HRH1: variants seen among roughly 807,000 people sequenced by gnomAD.
HRH1 encodes the protein histamine H1 receptor.
A neutral mutation model predicts 10.3 loss-of-function variants in HRH1; 6 were observed. The ratio of observed to expected loss-of-function variants is 0.58; its 90% CI spans 0.32 to 1.15. HRH1 has a LOEUF of 1.15. Among genes scored for constraint, HRH1 ranks in the 50% most tolerant of loss-of-function variants. The pLI is 0.05. For missense variants in HRH1, 514 were observed against 615.3 expected (o/e 0.84, Z 1.74); for synonymous variants, 242 against 236.7 (o/e 1.02, Z -0.21).
chr3:11,176,255 T>C (rs766565010), intron 1 of HRH1, among the ~76,000 whole-genome samples: 2 of 152,002 alleles, frequency 1.3e-5, no homozygotes, highest in Non-Finnish European at 2.9e-5. Context: ...TGACGAACTC[T>C]GGTCTCAGAT....
At chr3:11,224,213 C>A (rs1938805538) in intron 1 of HRH1, among the ~76,000 whole-genome samples, 1 of 152,198 alleles carries the variant, frequency 6.6e-6, no homozygotes, top group South Asian at 2.1e-4. Flanking sequence ...GGCCTCTGCT[C>A]CCATGGATCT....
chr3:11,184,761 C>G (rs1027836527), intron 1 of HRH1, among the ~76,000 whole-genome samples: 2 of 151,844 alleles, frequency 1.3e-5, no homozygotes, highest in African/African-American at 4.8e-5. Context: ...ACTAAAAATA[C>G]TAAAACTTAG....
At chr3:11,242,870 A>G (rs1939385629) in intron 1 of HRH1, among the ~76,000 whole-genome samples, 2 of 152,082 alleles carry the variant, frequency 1.3e-5, no homozygotes, top group Non-Finnish European at 2.9e-5. Flanking sequence ...TGCACTTAGT[A>G]CATCTCCCCT....
intron 1 of HRH1, among the ~76,000 whole-genome samples, chr3:11,138,311 C>T (rs576259634): frequency 8.4e-4 from 128 of 151,806 alleles, no homozygotes; most frequent in African/African-American, 2.7e-3. Flanking sequence ...CGTGAGCCAC[C>T]GCGCCCAGCC....
chr3:11,143,045 G>T (rs1936325120), intron 1 of HRH1, among the ~76,000 whole-genome samples: 1 of 152,212 alleles, frequency 6.6e-6, no homozygotes, highest in African/African-American at 2.4e-5. Context: ...TTGCAGGGCT[G>T]CAAAGAGCTG....
chr3:11,225,687 TTTAC>T (rs1255255525), intron 1 of HRH1, among the ~76,000 whole-genome samples: 1 of 152,264 alleles, frequency 6.6e-6, no homozygotes, highest in African/African-American at 2.4e-5. Flanking sequence ...TATTTATTTA[TTTAC>T]TTACTTACTT....
chr3:11,147,865 C>T (rs1035089623), intron 1 of HRH1, among the ~76,000 whole-genome samples: 7 of 152,078 alleles, frequency 4.6e-5, no homozygotes, highest in African/African-American at 1.7e-4. Flanking sequence ...TTTCCACGCT[C>T]CCTGCCTGGT....
At chr3:11,150,777 C>T (rs1036623198), upstream of HRH1, among the ~76,000 whole-genome samples, 22 of 152,212 alleles carry the variant, frequency 1.4e-4, no homozygotes, top group African/African-American at 5.3e-4. Context: ...TCGATTTCCC[C>T]ATGTGAACAA....
At chr3:11,176,725 CTAA>C (rs1937255234) in intron 1 of HRH1, among the ~76,000 whole-genome samples, 1 of 152,224 alleles carries the variant, frequency 6.6e-6, no homozygotes, top group Non-Finnish European at 1.5e-5. Flanking sequence ...AGTCATGCTG[CTAA>C]TAATAAAATA....
intron 1 of HRH1, among the ~76,000 whole-genome samples, chr3:11,183,884 C>G (rs1034692674): frequency 1.1e-4 from 12 of 110,550 alleles, no homozygotes; most frequent in African/African-American, 4.4e-4. Flanking sequence ...TTTTTTAAAG[C>G]ACTGGCCATC....
Position 11,262,943 on chromosome 3 carries a change from T to A in HRH1, c.*2442T>A, listed in dbSNP as rs1939994862. On this transcript the variant is annotated 3_prime_UTR_variant, in exon 2 of 2. Transcript: ENST00000431010. The stretch of plus-strand genomic sequence containing the variant: ...GTGCCAGGCTTTGTGTTTTATCTAA[T>A]GTTATCTAATGGTATTGGTGCCATT... The A allele has an allele frequency of 6.0e-6, 1 of 167,108 alleles. No homozygotes were observed. The highest frequency in any genetic ancestry group is 6.5e-5 in the Admixed American group (1 of 15,282). The allele number at this position is 167,108 out of a possible 1,614,324, so 10.4% of individuals were successfully genotyped here. A position where few individuals can be genotyped will look rare whatever the true frequency, so the allele number is the denominator to read the frequency against.
chr3:11,218,325 G>A (rs1273959595), intron 1 of HRH1, among the ~76,000 whole-genome samples: 4 of 151,706 alleles, frequency 2.6e-5, no homozygotes, highest in Admixed American at 2.6e-4. Flanking sequence ...GCAGGTGCCT[G>A]TAGTCCCAGC....
chr3:11,204,439 G>A (rs1469715914), intron 1 of HRH1, among the ~76,000 whole-genome samples: 1 of 152,166 alleles, frequency 6.6e-6, no homozygotes, highest in Non-Finnish European at 1.5e-5. Flanking sequence ...GTTCCAAGCA[G>A]AGGGAATAGC....
Position 11,212,842 on chromosome 3 carries a change from C to G in HRH1, c.-35-46161C>G, listed in dbSNP as rs1416528229. ...ACCACGAGGCCCTCCGTGATCTAAC[C>G]CCTGTCACCTAAGTTTATCTCCCCT... On this transcript the variant is annotated intron_variant, in intron 1 of 1. Coordinates refer to ENST00000431010, the MANE Select transcript of HRH1 (RefSeq NM_001098212.2). Among the ~76,000 whole-genome samples, 3 of 135,278 alleles carry G rather than the reference C, an allele frequency of 2.2e-5. No individual in the cohort carries two copies. The East Asian group carries it at 6.8e-4, about 30-fold the overall frequency. 88.7% of individuals were successfully genotyped at this position (135,278 alleles called of 152,430 possible). A position where few individuals can be genotyped will look rare whatever the true frequency, so the allele number is the denominator to read the frequency against.
chr3:11,160,508 A>G (rs1936901461), intron 1 of HRH1, among the ~76,000 whole-genome samples: 1 of 152,218 alleles, frequency 6.6e-6, no homozygotes, highest in Non-Finnish European at 1.5e-5. Flanking sequence ...TGGGTTTTGA[A>G]GAAAGATAAA....
chr3:11,168,580 C>T (rs1207188989), intron 1 of HRH1, among the ~76,000 whole-genome samples: 2 of 152,204 alleles, frequency 1.3e-5, no homozygotes, highest in Non-Finnish European at 1.5e-5. Context: ...CAGGCACTGC[C>T]GCCGCACAAT....
upstream of HRH1, among the ~76,000 whole-genome samples, chr3:11,150,416 C>T (rs978704004): frequency 6.6e-6 from 1 of 152,272 alleles, no homozygotes; most frequent in African/African-American, 2.4e-5. Context: ...GATTTCTCAG[C>T]ACCCAGAGGG....
At chr3:11,222,822 A>G (rs374876818) in intron 1 of HRH1, among the ~76,000 whole-genome samples, 8 of 152,244 alleles carry the variant, frequency 5.3e-5, no homozygotes, top group African/African-American at 1.9e-4. Context: ...TCCACCATTC[A>G]AGCGCATTAA....
intron 1 of HRH1, among the ~76,000 whole-genome samples, chr3:11,180,444 C>A (rs777040343): frequency 6.6e-6 from 1 of 152,158 alleles, no homozygotes. Flanking sequence ...CAATAAGGTT[C>A]GAGCTCCTAT....
Sources: allele counts gnomAD v4.1 joint callset (sites outside exome capture counted in the v4.1 genomes callset), GRCh38; gene constraint gnomAD v4.1.1; transcripts MANE v1.5; gene names NCBI Gene and HGNC (gene_info 2026-07-23, HGNC 2026-07-21).